ABHD12: variants seen among roughly 807,000 people sequenced by gnomAD.
ABHD12 encodes abhydrolase domain containing 12, lysophospholipase.
A neutral mutation model predicts 58.3 loss-of-function variants in ABHD12; 43 were observed. The ratio of observed to expected loss-of-function variants is 0.74; its 90% CI spans 0.58 to 0.95. The LOEUF (loss-of-function observed/expected upper bound fraction) is 0.95. Among genes scored for constraint, ABHD12 ranks in the 40% least tolerant of loss-of-function variants. ABHD12 has a pLI of 0.00. For missense variants in ABHD12, 539 were observed against 537.2 expected (o/e 1.00, Z -0.03); for synonymous variants, 219 against 211.2 (o/e 1.04, Z -0.32).
intron 1 of ABHD12, among the ~76,000 whole-genome samples, chr20:25,343,444 T>C (rs2089480596): frequency 6.6e-6 from 1 of 152,126 alleles, no homozygotes; most frequent in South Asian, 2.1e-4. Context: ...CACAGCTTCT[T>C]GGGAGGCTGA....
intron 1 of ABHD12, chr20:25,390,197 G>GT (rs949980272): frequency 2.0e-5 from 5 of 252,428 alleles, no homozygotes; most frequent in African/African-American, 4.5e-5. Context: ...AGCCCCCAGC[G>GT]TAAGGGTCCC....
intron 4 of ABHD12, among the ~76,000 whole-genome samples, chr20:25,319,680 G>A (rs117672824): frequency 0.014 from 2,123 of 152,270 alleles, 24 homozygotes; most frequent in Non-Finnish European, 0.021. Context: ...CCAAGAGCGC[G>A]AGGCACCCAC....
At chr20:25,339,666 C>T in intron 1 of ABHD12, 1 of 1,388,934 alleles carries the variant, frequency 7.2e-7, no homozygotes, top group Non-Finnish European at 9.6e-7. Flanking sequence ...CACCATGCCC[C>T]CCACCTGACA....
chr20:25,319,484 G>A (rs547108049), intron 4 of ABHD12, among the ~76,000 whole-genome samples: 3 of 152,248 alleles, frequency 2.0e-5, no homozygotes, highest in East Asian at 3.9e-4. Context: ...TCTCCCTCCT[G>A]CCCCTTCTCA....
rs758175183 is a variant in ABHD12, at chr20:25,390,717, G to A, written c.-14C>T. ...CCGCTTCCTCATCCCGCGGCCGACA[G>A]GGCCAGCCGCCGACGGCGCCCGCTG... On this transcript the variant is annotated 5_prime_UTR_variant, in exon 1 of 13. Coordinates refer to ENST00000339157, the MANE Select transcript of ABHD12 (RefSeq NM_001042472.3). The A allele has an allele frequency of 5.2e-6, 7 of 1,342,402 alleles. No individual in the cohort carries two copies. The East Asian group carries it at 1.0e-4, about 19-fold the overall frequency. 83.2% of individuals were successfully genotyped at this position (1,342,402 alleles called of 1,614,324 possible).
intron 5 of ABHD12, 106 bp from the exon 6 acceptor site, chr20:25,315,076 C>T (rs1484475451): frequency 5.1e-6 from 6 of 1,177,976 alleles, no homozygotes; most frequent in Admixed American, 1.7e-5. Flanking sequence ...CTGCCTTGTA[C>T]GTAGTGGCAG....
chr20:25,298,806 T>C (rs1568706161), downstream of ABHD12, among the ~76,000 whole-genome samples: 2 of 152,076 alleles, frequency 1.3e-5, no homozygotes, highest in East Asian at 3.9e-4. Context: ...AGAACTGGGA[T>C]GCTGGAGTGC....
chr20:25,330,363 G>T (rs1377116376), intron 2 of ABHD12, among the ~76,000 whole-genome samples: 7 of 152,230 alleles, frequency 4.6e-5, no homozygotes, highest in Non-Finnish European at 1.0e-4. Context: ...AGATCAAACT[G>T]CAAGGCAGCA....
intron 1 of ABHD12, among the ~76,000 whole-genome samples, 173 bp downstream of exon 1, chr20:25,390,340 G>A (rs1357863064): frequency 1.3e-5 from 2 of 152,164 alleles, no homozygotes; most frequent in Non-Finnish European, 1.5e-5. Flanking sequence ...AGGGAGCGGG[G>A]GTGGGGCTGC....
At chr20:25,354,555 T>G (rs1165577744) in intron 1 of ABHD12, among the ~76,000 whole-genome samples, 1 of 152,208 alleles carries the variant, frequency 6.6e-6, no homozygotes, top group African/African-American at 2.4e-5. Context: ...CTGAGGCTTG[T>G]GTACAAGATG....
intron 1 of ABHD12, among the ~76,000 whole-genome samples, chr20:25,361,394 C>A (rs2089745129): frequency 6.6e-6 from 1 of 151,688 alleles, no homozygotes; most frequent in Non-Finnish European, 1.5e-5. Flanking sequence ...ACAGTCTATG[C>A]GTGTTTTTTG....
intron 1 of ABHD12, among the ~76,000 whole-genome samples, chr20:25,373,027 G>C (rs558371451): frequency 6.6e-6 from 1 of 152,214 alleles, no homozygotes; most frequent in African/African-American, 2.4e-5. Context: ...CTGCCTACAG[G>C]ACTCAGTACA....
At chr20:25,375,648 T>A (rs1402115171) in intron 1 of ABHD12, among the ~76,000 whole-genome samples, 1 of 152,220 alleles carries the variant, frequency 6.6e-6, no homozygotes, top group Admixed American at 6.5e-5. Context: ...TAGGGTACTG[T>A]AGGGCTCACT....
rs2088751932 is a variant in ABHD12, at chr20:25,306,836, T to C, written c.947A>G (p.Glu316Gly). The change falls in exon 10 of 13, where the codon GAA becomes GGA. Residue 316 changes from glutamate to glycine, a missense_variant. Transcript: ENST00000339157. The stretch of plus-strand genomic sequence containing the variant: ...GTTCCTGTCCCATAATACTCACTTT[T>C]CATCATTTGCAAATTTAATTCCACT... ...TSSGIKFAND[E>G]NVKHISCPLL... 1 of 1,607,092 alleles carries C rather than the reference T, an allele frequency of 6.2e-7. No homozygotes were observed. The highest frequency in any genetic ancestry group is 8.5e-7 in the Non-Finnish European group (1 of 1,173,830).
chr20:25,303,973 TAAA>T (rs1256698924), intron 10 of ABHD12, among the ~76,000 whole-genome samples: 1 of 152,212 alleles, frequency 6.6e-6, no homozygotes, highest in Non-Finnish European at 1.5e-5. Flanking sequence ...AATCTGTTGG[TAAA>T]AAAAGTCAAT....
At chr20:25,296,463 A>G (rs1466809800), downstream of ABHD12, 3 of 1,613,758 alleles carry the variant, frequency 1.9e-6, no homozygotes, top group African/African-American at 4.0e-5. Flanking sequence ...TGCACGGGAG[A>G]TCTGGGGTGT....
At chr20:25,306,949 T>C (rs202233804) in intron 9 of ABHD12, 34 bp from the exon 10 acceptor site, 29 of 1,490,422 alleles carry the variant, frequency 1.9e-5, no homozygotes, top group Admixed American at 5.0e-5. Context: ...TTCAGAAGCG[T>C]TGGTTAAGAT....
At chr20:25,354,190 G>A (rs939143246) in intron 1 of ABHD12, among the ~76,000 whole-genome samples, 2 of 152,244 alleles carry the variant, frequency 1.3e-5, no homozygotes, top group Non-Finnish European at 2.9e-5. Flanking sequence ...TAAGTTGAAT[G>A]TAGCACTAGA....
At chr20:25,327,916 T>C (rs1199465820) in intron 2 of ABHD12, among the ~76,000 whole-genome samples, 1 of 152,176 alleles carries the variant, frequency 6.6e-6, no homozygotes, top group African/African-American at 2.4e-5. Context: ...TCTGATCTTG[T>C]GGCCCCCACC....
Sources: allele counts gnomAD v4.1 joint callset (sites outside exome capture counted in the v4.1 genomes callset), GRCh38; gene constraint gnomAD v4.1.1; transcripts MANE v1.5; gene names NCBI Gene and HGNC (gene_info 2026-07-23, HGNC 2026-07-21).